The following PDE1C variants were observed in gnomAD, a reference collection of about 807,000 sequenced individuals.
PDE1C encodes phosphodiesterase 1C.
Under a neutral mutation model 93.1 loss-of-function variants are expected in PDE1C, and 62 were observed. The ratio of observed to expected loss-of-function variants is 0.67; its 90% CI spans 0.54 to 0.82. The LOEUF (loss-of-function observed/expected upper bound fraction) is 0.82, where lower values mean the gene tolerates loss of function less well. PDE1C is among the 40% of genes least tolerant of loss of function. The probability of loss-of-function intolerance (pLI) is 0.00; values close to 1 mark genes in which losing one functional copy is unlikely to be tolerated. For synonymous variants in PDE1C, 325 were observed against 310.1 expected (o/e 1.05, Z -0.50); for missense variants, 742 against 884.6 (o/e 0.84, Z 2.04).
rs138380507 is a variant in PDE1C, at chr7:31,896,305, GA to G, written c.129-15446del. On this transcript the variant is annotated intron_variant, in intron 2 of 17. Coordinates refer to ENST00000396191, the MANE Select transcript of PDE1C (RefSeq NM_001191057.4). ...TAGGGGTAGAAACAGGACCTGTACA[GA>G]AAATGCACAGTAGTTGGGAAGACAT... is the stretch of plus-strand genomic sequence containing the variant. Among the ~76,000 whole-genome samples the G allele has an allele frequency of 5.3e-3, 809 of 152,288 alleles. 4 individuals are homozygous for G. Among genetic ancestry groups the G allele is most frequent in the African/African-American group, 0.019 (783 of 41,548 alleles).
At chr7:32,126,272 T>C (rs901152830) in intron 3 of PDE1C, among the ~76,000 whole-genome samples, 2 of 152,038 alleles carry the variant, frequency 1.3e-5, no homozygotes, top group African/African-American at 4.8e-5. Flanking sequence ...TGCAACTCTA[T>C]GAAATATGCA....
intron 15 of PDE1C, among the ~76,000 whole-genome samples, chr7:31,814,277 T>C (rs1274315739): frequency 6.6e-6 from 1 of 152,052 alleles, no homozygotes; most frequent in African/African-American, 2.4e-5. Flanking sequence ...AATGGTAGTT[T>C]GGGTACATGA....
intron 2 of PDE1C, among the ~76,000 whole-genome samples, chr7:31,991,047 T>C (rs1784086804): frequency 6.6e-6 from 1 of 152,206 alleles, no homozygotes; most frequent in Admixed American, 6.5e-5. Context: ...AACATTTTTA[T>C]TTTTAATAAA....
At chr7:32,192,666 A>G (rs894595634) in intron 2 of PDE1C, among the ~76,000 whole-genome samples, 1 of 152,058 alleles carries the variant, frequency 6.6e-6, no homozygotes, top group Non-Finnish European at 1.5e-5. Flanking sequence ...TAACTGTTCT[A>G]CTTCCTACGA....
the PDE1C span, among the ~76,000 whole-genome samples, chr7:31,731,624 G>A: frequency 3.9e-5 from 6 of 152,168 alleles, no homozygotes; most frequent in East Asian, 1.9e-4. Context: ...TCCTGACCTC[G>A]TGATCCACCC....
the PDE1C span, chr7:31,697,104 C>T: frequency 4.3e-6 from 7 of 1,613,924 alleles, no homozygotes; most frequent in South Asian, 6.6e-5. Context: ...TGCACATGTC[C>T]CCCTTTGCAG....
chr7:32,122,972 T>C (rs1285194224), intron 3 of PDE1C, among the ~76,000 whole-genome samples: 1 of 151,956 alleles, frequency 6.6e-6, no homozygotes, highest in Non-Finnish European at 1.5e-5. Context: ...CTAGCTAGAC[T>C]AATAAAGAAG....
chr7:32,171,606 GTTA>G (rs915507173), intron 2 of PDE1C, among the ~76,000 whole-genome samples: 6 of 149,870 alleles, frequency 4.0e-5, no homozygotes, highest in South Asian at 4.2e-4. Context: ...TTTACTTAAT[GTTA>G]TTATTATATT....
At chr7:31,680,738 C>T in the PDE1C span, among the ~76,000 whole-genome samples, 2 of 151,780 alleles carry the variant, frequency 1.3e-5, no homozygotes, top group South Asian at 2.1e-4. Context: ...AGTCTCCATT[C>T]GACAAGACAA....
chr7:32,071,379 C>A (rs1269629947), upstream of PDE1C: 7 of 985,416 alleles, frequency 7.1e-6, no homozygotes, highest in Non-Finnish European at 8.4e-6. Flanking sequence ...ATTGAAGCGA[C>A]TGATGGGGAC....
intron 2 of PDE1C, among the ~76,000 whole-genome samples, chr7:32,025,411 T>G (rs1359262204): frequency 6.6e-6 from 1 of 152,030 alleles, no homozygotes; most frequent in African/African-American, 2.4e-5. Context: ...CAGTGGGGCA[T>G]GCAGACTATA....
rs565184566 is a variant in PDE1C, at chr7:32,070,161, C to T, written c.101+132G>A. 2.8e-5 allele frequency: 40 copies of T among 1,449,514 alleles called. No homozygotes were observed. The South Asian group carries it at 4.9e-4, about 18-fold the overall frequency. The allele number at this position is 1,449,514 out of a possible 1,614,324, so 89.8% of individuals were successfully genotyped here. On this transcript the variant is annotated intron_variant, in intron 1 of 17. Coordinates refer to ENST00000396191, the MANE Select transcript of PDE1C (RefSeq NM_001191057.4). Reference sequence around the variant, plus strand: ...GCAGTGACTGTAATTAACAGAGCAGCAGTTGTGGAACTTCTAGGGTTGTAT... The same window carrying T: ...GCAGTGACTGTAATTAACAGAGCAGTAGTTGTGGAACTTCTAGGGTTGTAT...
chr7:32,228,442 A>G (rs910067628), intron 1 of PDE1C, among the ~76,000 whole-genome samples: 3 of 152,214 alleles, frequency 2.0e-5, no homozygotes, highest in African/African-American at 7.2e-5. Flanking sequence ...AATTATTTCC[A>G]TCTTACAAAT....
At chr7:31,915,513 C>T (rs1801770669) in intron 2 of PDE1C, among the ~76,000 whole-genome samples, 1 of 152,190 alleles carries the variant, frequency 6.6e-6, no homozygotes. Flanking sequence ...GCTACTTAAG[C>T]ATTTTTCTGT....
At chr7:31,690,483 T>C in the PDE1C span, among the ~76,000 whole-genome samples, 1 of 152,222 alleles carries the variant, frequency 6.6e-6, no homozygotes. Context: ...TGTAGCAGAC[T>C]TAACTTGTGT....
rs377720636 is a variant in PDE1C at position 32,082,189 on chromosome 7, A to C, written c.308+87596T>G. 8.5e-5 allele frequency among the ~76,000 whole-genome samples: 13 copies of C among 152,358 alleles called. 2 individuals carry two copies. On this transcript the variant is annotated intron_variant, in intron 3 of 18. Coordinates refer to the PDE1C transcript ENST00000396193. Reference sequence around the variant, plus strand: ...ATGCGCTTTTCCGACGGGCTTAAAAAACGGTGCACCAGGAGATTATATCCC... The same window carrying C: ...ATGCGCTTTTCCGACGGGCTTAAAACACGGTGCACCAGGAGATTATATCCC...
intron 2 of PDE1C, among the ~76,000 whole-genome samples, chr7:32,174,407 T>A (rs919967925): frequency 2.6e-5 from 4 of 152,114 alleles, no homozygotes; most frequent in African/African-American, 9.7e-5. Context: ...TAGAGGGCTA[T>A]GGGACCCAGA....
chr7:32,195,957 T>C (rs1804583095), intron 2 of PDE1C, among the ~76,000 whole-genome samples: 1 of 152,184 alleles, frequency 6.6e-6, no homozygotes, highest in African/African-American at 2.4e-5. Flanking sequence ...GTGTATGGAA[T>C]GACCTCATTA....
chr7:31,698,885 A>C, the PDE1C span, among the ~76,000 whole-genome samples: 3 of 152,200 alleles, frequency 2.0e-5, no homozygotes, highest in Non-Finnish European at 4.4e-5. Flanking sequence ...GTAACTGAGC[A>C]GAGTAGTTGA....
Sources: allele counts gnomAD v4.1 joint callset (sites outside exome capture counted in the v4.1 genomes callset), GRCh38; gene constraint gnomAD v4.1.1; transcripts MANE v1.5; gene names NCBI Gene and HGNC (gene_info 2026-07-23, HGNC 2026-07-21).